The following PDE1C variants were observed in gnomAD, a reference collection of about 807,000 sequenced individuals.
PDE1C encodes the protein dual specificity calcium/calmodulin-dependent 3',5'-cyclic nucleotide phosphodiesterase 1C.
PDE1C carries 62 observed loss-of-function variants against 93.1 expected under a neutral mutation model. That is an observed-to-expected ratio of 0.67 (90% CI 0.54 to 0.82). The LOEUF is 0.82. Among genes scored for constraint, PDE1C ranks in the 40% least tolerant of loss-of-function variants. The pLI is 0.00. For missense variants in PDE1C, 742 were observed against 884.6 expected (o/e 0.84, Z 2.04); for synonymous variants, 325 against 310.1 (o/e 1.05, Z -0.50).
intron 1 of PDE1C, among the ~76,000 whole-genome samples, chr7:32,240,678 AACAAG>A (rs1297023650): frequency 6.6e-6 from 1 of 152,100 alleles, no homozygotes; most frequent in Non-Finnish European, 1.5e-5. Flanking sequence ...GAGAGCTAGG[AACAAG>A]ACAAGATGGG....
At chr7:32,342,188 A>G (rs926924118) in intron 1 of PDE1C, among the ~76,000 whole-genome samples, 20 of 152,216 alleles carry the variant, frequency 1.3e-4, no homozygotes, top group African/African-American at 4.1e-4. Flanking sequence ...TTCATTCAAC[A>G]GGTATTGATA....
chr7:32,086,585 C>T (rs939867838), intron 3 of PDE1C, among the ~76,000 whole-genome samples: 23 of 151,962 alleles, frequency 1.5e-4, no homozygotes, highest in African/African-American at 3.4e-4. Context: ...GGAGGCATCA[C>T]GCTACCTGAC....
At chr7:32,056,401 A>G (rs1794110828) in intron 1 of PDE1C, among the ~76,000 whole-genome samples, 1 of 150,748 alleles carries the variant, frequency 6.6e-6, no homozygotes, top group South Asian at 2.1e-4. Context: ...ACACACACAC[A>G]CACAGCTTCA....
chr7:31,715,057 A>G, the PDE1C span, among the ~76,000 whole-genome samples: 1 of 152,196 alleles, frequency 6.6e-6, no homozygotes. Context: ...TGAGGGAAAA[A>G]AGCCAATCAT....
chr7:31,691,295 C>G, the PDE1C span, among the ~76,000 whole-genome samples: 3 of 152,188 alleles, frequency 2.0e-5, no homozygotes, highest in Non-Finnish European at 4.4e-5. Flanking sequence ...GAGTTGAACT[C>G]ATTTTATGAG....
chr7:32,085,947 A>G (rs891206925), intron 3 of PDE1C, among the ~76,000 whole-genome samples: 10 of 150,944 alleles, frequency 6.6e-5, no homozygotes, highest in African/African-American at 2.4e-4. Flanking sequence ...CTGACACAAG[A>G]CAGGGATGCC....
chr7:31,751,684 GAA>G lies in PDE1C; in HGVS notation c.*1698_*1699del, dbSNP rs1334462829. ...AAAGAATTGCAATCGCCTCCTTAAC[GAA>G]AAGTCACAATGATTCGTCTTTTTGT... On this transcript the variant is annotated 3_prime_UTR_variant, in exon 18 of 18. Coordinates refer to ENST00000396191, the MANE Select transcript of PDE1C (RefSeq NM_001191057.4). The G allele has an allele frequency of 2.6e-5, 4 of 152,246 alleles. No individual in the cohort carries two copies. The highest frequency in any genetic ancestry group is 1.9e-4 in the East Asian group (1 of 5,188). The allele number at this position is 152,246 out of a possible 1,614,324, so 9.4% of individuals were successfully genotyped here.
At chr7:31,822,968 G>T (rs1789163583) in intron 14 of PDE1C, 105 bp downstream of exon 14, 1 of 899,344 alleles carries the variant, frequency 1.1e-6, no homozygotes, top group Non-Finnish European at 1.7e-6. Context: ...TCGGCAATTT[G>T]AATCTGCATC....
intron 10 of PDE1C, among the ~76,000 whole-genome samples, 189 bp from the exon 11 acceptor site, chr7:31,837,489 C>T (rs1791270626): frequency 3.3e-5 from 5 of 152,184 alleles, no homozygotes; most frequent in Admixed American, 2.0e-4. Flanking sequence ...TCCATATTTA[C>T]GGAATTGGAC....
intron 1 of PDE1C, among the ~76,000 whole-genome samples, chr7:32,221,057 T>C (rs187330610): frequency 6.6e-6 from 1 of 152,264 alleles, no homozygotes; most frequent in African/African-American, 2.4e-5. Flanking sequence ...CTGGCTCCCT[T>C]TCCTCCTGAG....
chr7:32,377,797 C>G (rs554642820), intron 1 of PDE1C, among the ~76,000 whole-genome samples: 59 of 152,164 alleles, frequency 3.9e-4, no homozygotes, highest in Non-Finnish European at 7.9e-4. Flanking sequence ...TTACAAAATT[C>G]ATGCCCTCCG....
intron 1 of PDE1C, among the ~76,000 whole-genome samples, chr7:32,419,469 C>T (rs943038980): frequency 1.3e-5 from 2 of 152,254 alleles, no homozygotes; most frequent in South Asian, 4.2e-4. Context: ...GAGAGTGAGC[C>T]CTTGGGGTAT....
the PDE1C span, among the ~76,000 whole-genome samples, chr7:31,629,266 T>A: frequency 1.3e-4 from 16 of 119,640 alleles, no homozygotes; most frequent in Non-Finnish European, 2.8e-4. Context: ...AAAGAAGATA[T>A]GTGTGTTTAA....
the PDE1C span, among the ~76,000 whole-genome samples, chr7:31,675,025 T>C: frequency 6.6e-6 from 1 of 152,178 alleles, no homozygotes; most frequent in African/African-American, 2.4e-5. Flanking sequence ...GCTTGCTACT[T>C]TGGGCTGTTT....
chr7:31,767,875 G>A (rs192440303), intron 17 of PDE1C, among the ~76,000 whole-genome samples: 22 of 152,228 alleles, frequency 1.4e-4, no homozygotes, highest in Middle Eastern at 3.4e-3. Flanking sequence ...TCATAAGGTC[G>A]TTAATCCCAT....
chr7:32,071,055 TG>T, upstream of PDE1C: 22 of 985,476 alleles, frequency 2.2e-5, no homozygotes, highest in Non-Finnish European at 2.7e-5. Flanking sequence ...GTGTCTGGGC[TG>T]TCACCGCGGG....
At chr7:32,042,815 C>T (rs1026598178) in intron 2 of PDE1C, among the ~76,000 whole-genome samples, 2 of 152,178 alleles carry the variant, frequency 1.3e-5, no homozygotes, top group African/African-American at 4.8e-5. Context: ...ACCATCACTG[C>T]AGATGTTGTT....
chr7:32,337,386 G>T (rs931268424), intron 1 of PDE1C, among the ~76,000 whole-genome samples: 2 of 152,114 alleles, frequency 1.3e-5, no homozygotes, highest in Non-Finnish European at 2.9e-5. Context: ...TGTTAGGAAA[G>T]AACAGCATGC....
At chr7:31,801,249 A>G (rs1785989514) in intron 16 of PDE1C, among the ~76,000 whole-genome samples, 1 of 151,250 alleles carries the variant, frequency 6.6e-6, no homozygotes, top group Non-Finnish European at 1.5e-5. Context: ...AAGAGAGAAA[A>G]CACAAACTAC....
Sources: allele counts gnomAD v4.1 joint callset (sites outside exome capture counted in the v4.1 genomes callset), GRCh38; gene constraint gnomAD v4.1.1; transcripts MANE v1.5; gene names NCBI Gene and HGNC (gene_info 2026-07-23, HGNC 2026-07-21).